The following ARL15 variants were observed in gnomAD, a reference collection of about 807,000 sequenced individuals.
ARL15 encodes the protein ADP-ribosylation factor-like protein 15.
Under a neutral mutation model 25.2 loss-of-function variants are expected in ARL15, and 19 were observed. The ratio of observed to expected loss-of-function variants is 0.75; its 90% confidence interval spans 0.53 to 1.10. The LOEUF is 1.10. Among genes scored for constraint, ARL15 ranks in the 50% least tolerant of loss-of-function variants. The pLI, the probability that ARL15 is intolerant of heterozygous loss-of-function variation, is 0.00. For synonymous variants in ARL15, 94 were observed against 86.8 expected, an observed-to-expected ratio of 1.08 and a Z score of -0.46; for missense variants, 220 against 246.0, an observed-to-expected ratio of 0.89 and a Z score of 0.71.
At chr5:54,044,185 A>G (rs1399376557) in intron 4 of ARL15, among the ~76,000 whole-genome samples, 3 of 152,006 alleles carry the variant, frequency 2.0e-5, no homozygotes, top group African/African-American at 7.2e-5. Context: ...TAGATTCCAA[A>G]TATTTAATTT....
chr5:53,970,379 T>A (rs7712574), intron 4 of ARL15, among the ~76,000 whole-genome samples: 10 of 152,176 alleles, frequency 6.6e-5, no homozygotes, highest in Admixed American at 2.0e-4. Context: ...ACCAAAATCA[T>A]GTTTTCTTTG....
intron 1 of ARL15, among the ~76,000 whole-genome samples, chr5:54,212,699 A>G (rs1327841613): frequency 1.3e-5 from 2 of 152,208 alleles, no homozygotes; most frequent in Admixed American, 6.5e-5. Flanking sequence ...TAATCTGCTC[A>G]AAGAAAATAT....
At chr5:54,154,510 A>T in intron 3 of ARL15, 70 bp downstream of exon 3, 1 of 954,928 alleles carries the variant, frequency 1.0e-6, no homozygotes, top group Non-Finnish European at 1.6e-6. Flanking sequence ...TGTTTGAATT[A>T]CATATAATAC....
chr5:53,942,949 T>C (rs1746593556), intron 4 of ARL15, among the ~76,000 whole-genome samples: 1 of 152,052 alleles, frequency 6.6e-6, no homozygotes, highest in African/African-American at 2.4e-5. Context: ...TGCGTAGTAG[T>C]TGAGTCATGA....
rs530387986 is a variant in ARL15 at position 54,260,411 on chromosome 5, GTTTTC to G, written c.48+50016_48+50020del. On this transcript the variant is annotated intron_variant, in intron 1 of 4. Coordinates refer to ENST00000504924, the MANE Select transcript of ARL15 (RefSeq NM_019087.3). ...AAAATGAATTCCATAATTCCAAATC[GTTTTC>G]TTTTGATATGTCTATGCTGTTCAGA... is the stretch of plus-strand genomic sequence containing the variant. 9.9e-4 allele frequency among the ~76,000 whole-genome samples: 150 copies of G among 152,204 alleles called. 2 individuals are homozygous for G. The highest frequency in any genetic ancestry group is 1.9e-3 in the Admixed American group (29 of 15,282).
chr5:54,152,824 C>T (rs1754109078), intron 3 of ARL15, among the ~76,000 whole-genome samples: 1 of 152,158 alleles, frequency 6.6e-6, no homozygotes. Flanking sequence ...AAAATTAAAC[C>T]GTGCTTGAGA....
chr5:54,036,531 T>C (rs1472304946), intron 4 of ARL15, among the ~76,000 whole-genome samples: 1 of 152,098 alleles, frequency 6.6e-6, no homozygotes, highest in African/African-American at 2.4e-5. Flanking sequence ...ATACCAAGCG[T>C]AGGACTCTGT....
chr5:54,310,420 C>T lies in ARL15; in HGVS notation c.48+12G>A, dbSNP rs556622728. On this transcript the variant is annotated intron_variant, in intron 1 of 4. Coordinates refer to ENST00000504924, the MANE Select transcript of ARL15 (RefSeq NM_019087.3). The stretch of plus-strand genomic sequence containing the variant: ...TCCGAGAGGCGACATGCCACCCCTG[C>T]CCTGCACCTACCAGATAATCCATGT... The T allele has an allele frequency of 6.2e-6, 10 of 1,608,328 alleles. No homozygotes were observed. The African/African-American group carries it at 9.3e-5, about 15-fold the overall frequency.
At chr5:54,163,548 A>G (rs1754484529) in intron 2 of ARL15, among the ~76,000 whole-genome samples, 1 of 151,288 alleles carries the variant, frequency 6.6e-6, no homozygotes, top group African/African-American at 2.4e-5. Flanking sequence ...AACCAACTAG[A>G]CTTAAAAAAA....
chr5:53,939,222 C>T (rs1746449616), intron 4 of ARL15, among the ~76,000 whole-genome samples: 1 of 152,206 alleles, frequency 6.6e-6, no homozygotes, highest in South Asian at 2.1e-4. Context: ...CTTCACCTTT[C>T]CTTTCACTCG....
chr5:54,098,630 C>T (rs556895522), intron 4 of ARL15, among the ~76,000 whole-genome samples: 2 of 152,174 alleles, frequency 1.3e-5, no homozygotes, highest in East Asian at 1.9e-4. Context: ...AGCACACCCT[C>T]GTTTTTGTTA....
chr5:54,156,103 T>C (rs2112353518), intron 2 of ARL15, among the ~76,000 whole-genome samples: 1 of 152,342 alleles, frequency 6.6e-6, no homozygotes, highest in African/African-American at 2.4e-5. Context: ...TTGTTTTGCT[T>C]TATAAAGAAG....
chr5:54,254,399 T>C (rs1281555775), intron 1 of ARL15, among the ~76,000 whole-genome samples: 3 of 152,206 alleles, frequency 2.0e-5, no homozygotes, highest in Non-Finnish European at 2.9e-5. Flanking sequence ...CATTTTGAGG[T>C]GTCACAGGAA....
chr5:54,045,148 C>T (rs1750466011), intron 4 of ARL15, among the ~76,000 whole-genome samples: 1 of 152,150 alleles, frequency 6.6e-6, no homozygotes, highest in Non-Finnish European at 1.5e-5. Context: ...CGTGGCACTC[C>T]TACCCCCAAT....
chr5:54,251,524 T>C lies in ARL15; in HGVS notation c.48+58908A>G, dbSNP rs187844147. 1.8e-3 allele frequency among the ~76,000 whole-genome samples: 273 copies of C among 152,340 alleles called. 1 individual carries two copies. Among genetic ancestry groups the C allele is most frequent in the African/African-American group, 6.3e-3 (261 of 41,580 alleles). On this transcript the variant is annotated intron_variant, in intron 1 of 4. Coordinates refer to ENST00000504924, the MANE Select transcript of ARL15 (RefSeq NM_019087.3). ...CTGCTGATAAACTGTACTGGCATCT[T>C]ATCTGTACCCTTACTAGATTTCTAA...
Position 54,181,354 on chromosome 5 carries a change from T to G in ARL15, c.49-9426A>C, listed in dbSNP as rs888443344. Among the ~76,000 whole-genome samples, 8 of 152,224 alleles carry G rather than the reference T, an allele frequency of 5.3e-5. No individual in the cohort carries two copies. In the South Asian group the frequency reaches 1.2e-3, roughly 24 times the overall value. ...TAAATGTCTGTAACGAGACCTAACC[T>G]TTATATGCCATATTCATAAACATCT... On this transcript the variant is annotated intron_variant, in intron 1 of 4. Transcript: ENST00000504924.
At chr5:54,020,075 A>C (rs77294968) in intron 4 of ARL15, among the ~76,000 whole-genome samples, 7,184 of 152,328 alleles carry the variant, frequency 0.047, 231 homozygotes, top group Middle Eastern at 0.078. Context: ...ATAACCAAAA[A>C]AGTAAACATA....
chr5:54,250,576 G>A (rs1032607193), intron 1 of ARL15, among the ~76,000 whole-genome samples: 15 of 152,164 alleles, frequency 9.9e-5, no homozygotes, highest in South Asian at 6.2e-4. Flanking sequence ...AATGAAGGTC[G>A]CTAAGAGACG....
intron 1 of ARL15, among the ~76,000 whole-genome samples, chr5:54,186,026 TGGATTATTTTCTTCCCCTAAA>T (rs1755226805): frequency 6.6e-6 from 1 of 152,190 alleles, no homozygotes. Flanking sequence ...GGACAATCGT[TGGATTATTTTCTTCCCCTAAA>T]GGTGAAGAAA....
Sources: gnomAD v4.1 joint callset for allele counts (sites outside exome capture counted in the v4.1 genomes callset) on GRCh38, gnomAD v4.1.1 for gene constraint, MANE v1.5 for transcripts, NCBI Gene and HGNC (gene_info 2026-07-23, HGNC 2026-07-21) for gene names.